TRERF1: variants seen among roughly 807,000 people sequenced by gnomAD.
The protein encoded by TRERF1 is transcriptional-regulating factor 1.
A neutral mutation model predicts 122.9 loss-of-function variants in TRERF1; 27 were observed. The observed-to-expected ratio is 0.22, with a 90% CI of 0.16 to 0.30. TRERF1 has a LOEUF of 0.30. TRERF1 is among the 10% of genes least tolerant of loss of function. The pLI, the probability that TRERF1 is intolerant of heterozygous loss-of-function variation, is 1.00. For missense variants in TRERF1, 1,248 were observed against 1,560.3 expected, an observed-to-expected ratio of 0.80 and a Z score of 3.37; for synonymous variants, 636 against 641.7, an observed-to-expected ratio of 0.99 and a Z score of 0.13.
chr6:42,250,457 C>T (rs1286015275), intron 13 of TRERF1, among the ~76,000 whole-genome samples: 1 of 152,152 alleles, frequency 6.6e-6, no homozygotes, highest in Non-Finnish European at 1.5e-5. Flanking sequence ...GATAGGGACA[C>T]GTTCCTCGTT....
intron 2 of TRERF1, among the ~76,000 whole-genome samples, chr6:42,417,388 T>C (rs1036446410): frequency 1.1e-4 from 16 of 152,182 alleles, no homozygotes; most frequent in African/African-American, 3.9e-4. Context: ...GGGATCCATG[T>C]GTATGCCTGT....
rs375162698 is a variant in TRERF1, at chr6:42,233,430, C to T, written c.3067-538G>A. Among the ~76,000 whole-genome samples the T allele has an allele frequency of 1.4e-4, 22 of 152,030 alleles. 1 individual carries two copies. The highest frequency in any genetic ancestry group is 7.2e-4 in the Admixed American group (11 of 15,274). The stretch of plus-strand genomic sequence containing the variant: ...CCTCCCGAGTAGCTGGGACTACAGG[C>T]GCCCGCCACCACGCCTGGCTAATTT... On this transcript the variant is annotated intron_variant, in intron 16 of 17. Transcript: ENST00000372922.
intron 12 of TRERF1, 103 bp downstream of exon 12, chr6:42,256,625 C>T (rs890424457): frequency 1.2e-5 from 12 of 960,562 alleles, no homozygotes; most frequent in Admixed American, 1.9e-5. Context: ...CATCATGCGC[C>T]GATTGGTCAT....
At chr6:42,396,555 A>G (rs1170461686) in intron 2 of TRERF1, among the ~76,000 whole-genome samples, 1 of 152,248 alleles carries the variant, frequency 6.6e-6, no homozygotes, top group East Asian at 1.9e-4. Context: ...TTTTATTGTA[A>G]CAGTATGGCT....
At chr6:42,305,065 C>CAGTG (rs1017105923) in intron 3 of TRERF1, among the ~76,000 whole-genome samples, 6 of 152,326 alleles carry the variant, frequency 3.9e-5, no homozygotes, top group African/African-American at 1.4e-4. Flanking sequence ...ACTTCCCAGA[C>CAGTG]AGTGCCTCTA....
intron 4 of TRERF1, among the ~76,000 whole-genome samples, chr6:42,285,339 T>C (rs1386158583): frequency 2.0e-5 from 3 of 152,218 alleles, no homozygotes; most frequent in Non-Finnish European, 4.4e-5. Flanking sequence ...TTTTGTATCC[T>C]GAGACTTTGC....
chr6:42,228,779 T>G lies in TRERF1; in HGVS notation c.3279-110A>C. Reference sequence around the variant, plus strand: ...TGTGTGGTCTGACAAAGTCCCTGGCTGCTCGGCTTCTAGGACCTCCTTCCC... The same window carrying G: ...TGTGTGGTCTGACAAAGTCCCTGGCGGCTCGGCTTCTAGGACCTCCTTCCC... On this transcript the variant is annotated intron_variant, in intron 17 of 17. Transcript: ENST00000372922. The surrounding 1 kb of genome is among the most constrained non-coding windows in gnomAD (Gnocchi z 4.2). 1 of 1,120,380 alleles carries G rather than the reference T, an allele frequency of 8.9e-7. No individual in the cohort carries two copies. Among genetic ancestry groups the G allele is most frequent in the Non-Finnish European group, 1.3e-6 (1 of 788,148 alleles). The allele number at this position is 1,120,380 out of a possible 1,614,324, so 69.4% of individuals were successfully genotyped here.
At chr6:42,442,957 G>A (rs1786792028) in intron 2 of TRERF1, among the ~76,000 whole-genome samples, 1 of 152,144 alleles carries the variant, frequency 6.6e-6, no homozygotes, top group Non-Finnish European at 1.5e-5. Context: ...AGTTTCCTCA[G>A]CTATAAAATG....
intron 9 of TRERF1, 151 bp from the exon 10 acceptor site, chr6:42,258,352 G>A (rs1777141821): frequency 1.5e-6 from 1 of 679,096 alleles, no homozygotes; most frequent in Non-Finnish European, 2.6e-6. Context: ...CAGGGAGCTG[G>A]GTGGAGTATG....
intron 3 of TRERF1, among the ~76,000 whole-genome samples, chr6:42,332,352 A>G (rs559698896): frequency 6.6e-6 from 1 of 152,366 alleles, no homozygotes; most frequent in East Asian, 1.9e-4. Context: ...GCCCACTCCA[A>G]CATTTCCTTA....
chr6:42,374,150 A>AAAGAAGAAGAAGAAGAAGAAGAAG (rs762812010), intron 2 of TRERF1, among the ~76,000 whole-genome samples: 2 of 143,962 alleles, frequency 1.4e-5, no homozygotes, highest in African/African-American at 5.2e-5. Context: ...AAAAAAAAAA[A>AAAGAAGAAGAAGAAGAAGAAGAAG]AAGAAGAAGA....
chr6:42,392,892 G>A (rs1191499546), intron 2 of TRERF1, among the ~76,000 whole-genome samples: 3 of 149,886 alleles, frequency 2.0e-5, no homozygotes, highest in East Asian at 2.0e-4. Context: ...CTGGTAAGGC[G>A]AATGTTTAAC....
At chr6:42,236,364 C>A (rs772785179) in exon 16 of TRERF1, 3 of 1,568,338 alleles carry the variant, frequency 1.9e-6, no homozygotes, top group Non-Finnish European at 2.6e-6. Flanking sequence ...TATCTTCTTC[C>A]GGGTCCTCCT....
At chr6:42,402,532 G>A (rs983531417) in intron 2 of TRERF1, among the ~76,000 whole-genome samples, 1 of 152,002 alleles carries the variant, frequency 6.6e-6, no homozygotes, top group African/African-American at 2.4e-5. Flanking sequence ...GGGGAAGGGG[G>A]GTTTCTAAGG....
At chr6:42,448,305 G>A (rs1335683004) in intron 2 of TRERF1, among the ~76,000 whole-genome samples, 1 of 152,200 alleles carries the variant, frequency 6.6e-6, no homozygotes, top group Non-Finnish European at 1.5e-5. Flanking sequence ...ACTGGCTGGA[G>A]AAGAAACTTC....
chr6:42,435,846 G>A (rs1785249786), intron 2 of TRERF1, among the ~76,000 whole-genome samples: 1 of 151,642 alleles, frequency 6.6e-6, no homozygotes, highest in Non-Finnish European at 1.5e-5. Context: ...TAGGCGTGGT[G>A]GGGGGCACCT....
intron 3 of TRERF1, among the ~76,000 whole-genome samples, chr6:42,331,179 C>T (rs539562203): frequency 3.9e-5 from 6 of 152,168 alleles, no homozygotes; most frequent in Admixed American, 1.3e-4. Context: ...ACTAAAATGA[C>T]GGTTTACAGG....
chr6:42,268,949 A>G lies in TRERF1; in HGVS notation c.642T>C (p.Gly214=). 8 of 1,611,922 alleles carry G rather than the reference A, an allele frequency of 5.0e-6. No homozygotes were observed. Among genetic ancestry groups the G allele is most frequent in the Non-Finnish European group, 6.8e-6 (8 of 1,178,430 alleles). ...CCTGAAGAGCTGGTTTGGACAGCCC[A>G]CCAGTGAAACCAGGGTGAGGCTGCT... The change falls in exon 5 of 18, where the codon GGT becomes GGC. Residue 214 remains glycine (G), a synonymous_variant. Coordinates refer to ENST00000372922, the Ensembl canonical transcript of TRERF1. The surrounding 1 kb of genome is among the most constrained non-coding windows in gnomAD (Gnocchi z 4.4).
At chr6:42,333,998 T>TACACACACAC (rs3997687) in intron 3 of TRERF1, among the ~76,000 whole-genome samples, 1 of 147,078 alleles carries the variant, frequency 6.8e-6, no homozygotes, top group South Asian at 2.2e-4. Flanking sequence ...ACACATACAC[T>TACACACACAC]ACACACACAC....
Sources: gnomAD v4.1 joint callset for allele counts (sites outside exome capture counted in the v4.1 genomes callset) on GRCh38, gnomAD v4.1.1 for gene constraint, Gnocchi (gnomAD v3.1) non-coding constraint, MANE v1.5 for transcripts, NCBI Gene and HGNC (gene_info 2026-07-23, HGNC 2026-07-21) for gene names.